Variants in TFB2M observed in about 807,000 individuals in gnomAD.
The protein encoded by TFB2M is dimethyladenosine transferase 2, mitochondrial.
In TFB2M, 44 loss-of-function variants were observed where a neutral mutation model predicts 41.3. The observed-to-expected ratio is 1.07, with a 90% CI of 0.84 to 1.37. TFB2M has a LOEUF of 1.37. TFB2M is among the 40% of genes most tolerant of loss of function. The pLI is 0.00. For missense variants in TFB2M, 496 were observed against 490.2 expected (o/e 1.01, Z -0.11); for synonymous variants, 188 against 176.8 (o/e 1.06, Z -0.50).
At chr1:246,543,481 G>A (rs542289409) in intron 7 of TFB2M, among the ~76,000 whole-genome samples, 25 of 152,234 alleles carry the variant, frequency 1.6e-4, no homozygotes, top group Admixed American at 5.9e-4. Context: ...AAATTACATA[G>A]ATGGCCAGGC....
chr1:246,555,906 T>G (rs2102988582), intron 4 of TFB2M, among the ~76,000 whole-genome samples: 1 of 152,238 alleles, frequency 6.6e-6, no homozygotes, highest in South Asian at 2.1e-4. Context: ...TTCTCCTGTT[T>G]TAGCCTCCCA....
At chr1:246,564,040 A>G (rs1558515882) in intron 2 of TFB2M, among the ~76,000 whole-genome samples, 1 of 152,260 alleles carries the variant, frequency 6.6e-6, no homozygotes, top group African/African-American at 2.4e-5. Flanking sequence ...AAAGGAGCAC[A>G]GCGCAGCTTA....
At chr1:246,547,884 G>C (rs545015409) in intron 6 of TFB2M, among the ~76,000 whole-genome samples, 1 of 151,840 alleles carries the variant, frequency 6.6e-6, no homozygotes, top group South Asian at 2.1e-4. Flanking sequence ...CTAACTCCTG[G>C]GTAAAAATCA....
chr1:246,548,681 T>C, intron 5 of TFB2M, 74 bp from the exon 6 acceptor site: 1 of 1,366,012 alleles, frequency 7.3e-7, no homozygotes, highest in Non-Finnish European at 1.0e-6. Flanking sequence ...ATTACTTCCT[T>C]AAAAAACACC....
intron 2 of TFB2M, 32 bp from the exon 3 acceptor site, chr1:246,557,566 T>A (rs748566516): frequency 2.6e-6 from 4 of 1,532,778 alleles, no homozygotes; most frequent in Non-Finnish European, 2.6e-6. Flanking sequence ...ACGTTAAAAA[T>A]TTTCAGCATT....
chr1:246,566,194 C>G lies in TFB2M; in HGVS notation c.-56G>C. 2 of 1,543,746 alleles carry G rather than the reference C, an allele frequency of 1.3e-6. No individual in the cohort carries two copies. Among genetic ancestry groups the G allele is most frequent in the Middle Eastern group, 2.4e-4 (1 of 4,252 alleles). On this transcript the variant is annotated 5_prime_UTR_variant, in exon 1 of 8. Transcript: ENST00000366514. ...CACCTAGTGCAGCTACTACAGTGAA[C>G]CCCACGCAGGGTATCCCACGTGGAA...
Position 246,564,359 on chromosome 1 carries a change from AT to A in TFB2M, c.388del (p.Ile130PhefsTer7), listed in dbSNP as rs1468653395. On this transcript the variant is annotated frameshift_variant, in exon 2 of 8. Coordinates refer to ENST00000366514, the MANE Select transcript of TFB2M (RefSeq NM_022366.3). LOFTEE classifies it high-confidence loss of function. ...CTAAAAATATACCTCCAAATGTGGA[AT>A]AAAAGTTTTGTCACTTTCGAGCGCA... is the stretch of plus-strand genomic sequence containing the variant. ...VVALESDKTFIPHLESLGKNL... is the reference protein window; with the variant it reads ...VVALESDKTFXPHLESLGKNL... The A allele has an allele frequency of 3.7e-6, 6 of 1,614,054 alleles. No homozygotes were observed. Among genetic ancestry groups the A allele is most frequent in the African/African-American group, 1.3e-5 (1 of 74,948 alleles).
chr1:246,563,883 A>T (rs1022936309), intron 2 of TFB2M, among the ~76,000 whole-genome samples: 17 of 151,944 alleles, frequency 1.1e-4, no homozygotes, highest in African/African-American at 4.1e-4. Flanking sequence ...TTGAAATCCA[A>T]AACAGTTGTG....
chr1:246,553,215 C>CTGT, intron 4 of TFB2M, among the ~76,000 whole-genome samples: 1 of 150,660 alleles, frequency 6.6e-6, no homozygotes, highest in East Asian at 2.0e-4. Context: ...AGCAAGACTC[C>CTGT]GTCTAAAAAA....
intron 7 of TFB2M, among the ~76,000 whole-genome samples, chr1:246,542,281 A>G (rs956585113): frequency 2.7e-5 from 4 of 150,674 alleles, no homozygotes; most frequent in African/African-American, 9.7e-5. Context: ...TACAATATAT[A>G]ATCAATGAGG....
chr1:246,553,054 T>C (rs1168098026), intron 4 of TFB2M, among the ~76,000 whole-genome samples: 1 of 151,878 alleles, frequency 6.6e-6, no homozygotes, highest in African/African-American at 2.4e-5. Flanking sequence ...ACCCCATCTG[T>C]ACTAAAAATA....
In TFB2M at chr1:246,566,230, C is replaced by A. The variant is rs1436876583; in HGVS notation, c.-92G>T. The A allele has an allele frequency of 3.7e-5, 50 of 1,350,362 alleles. No individual in the cohort carries two copies. The highest frequency in any genetic ancestry group is 5.1e-5 in the Non-Finnish European group (50 of 989,224). The allele number at this position is 1,350,362 out of a possible 1,614,324, so 83.6% of individuals were successfully genotyped here. ...GTATCCCACGTGGAACATTTTCTGG[C>A]GTCCGGGCCAGGTCAAGCGGAAGTA... On this transcript the variant is annotated 5_prime_UTR_variant, in exon 1 of 8. Transcript: ENST00000366514.
chr1:246,541,584 T>C (rs1658859762), intron 7 of TFB2M, among the ~76,000 whole-genome samples: 1 of 152,252 alleles, frequency 6.6e-6, no homozygotes, highest in African/African-American at 2.4e-5. Context: ...CCAGTAACTT[T>C]ATGCTTATTT....
chr1:246,562,131 CAT>C (rs1434219361), intron 2 of TFB2M, among the ~76,000 whole-genome samples: 1 of 152,106 alleles, frequency 6.6e-6, no homozygotes, highest in Non-Finnish European at 1.5e-5. Flanking sequence ...ATTTCATACT[CAT>C]AGTTTTAAAA....
intron 4 of TFB2M, among the ~76,000 whole-genome samples, chr1:246,553,313 T>C (rs1659233692): frequency 6.6e-6 from 1 of 152,030 alleles, no homozygotes; most frequent in Non-Finnish European, 1.5e-5. Flanking sequence ...CAACGGACAA[T>C]TCGAAAAACA....
intron 2 of TFB2M, among the ~76,000 whole-genome samples, chr1:246,559,571 C>G (rs528821222): frequency 1.0e-3 from 158 of 152,196 alleles, no homozygotes; most frequent in African/African-American, 3.7e-3. Flanking sequence ...ACAAACAAAT[C>G]TAGTACATTT....
At chr1:246,559,479 G>C (rs1659403638) in intron 2 of TFB2M, among the ~76,000 whole-genome samples, 2 of 152,180 alleles carry the variant, frequency 1.3e-5, no homozygotes. Context: ...AACCCAGGAG[G>C]CAGGGGTTGC....
chr1:246,564,060 G>A (rs1659525730), intron 2 of TFB2M, among the ~76,000 whole-genome samples: 1 of 152,162 alleles, frequency 6.6e-6, no homozygotes, highest in East Asian at 1.9e-4. Context: ...AGTAGAAATG[G>A]GGAAACAAGC....
At chr1:246,545,032 C>T (rs887492158) in intron 6 of TFB2M, among the ~76,000 whole-genome samples, 2 of 149,088 alleles carry the variant, frequency 1.3e-5, no homozygotes, top group African/African-American at 2.5e-5. Context: ...GTCTCGATCT[C>T]CTGACCTCGT....
Sources: allele counts gnomAD v4.1 joint callset (sites outside exome capture counted in the v4.1 genomes callset), GRCh38; gene constraint gnomAD v4.1.1; transcripts MANE v1.5; gene names NCBI Gene and HGNC (gene_info 2026-07-23, HGNC 2026-07-21).